ATXN1: variants seen among roughly 807,000 people sequenced by gnomAD.
ATXN1 encodes the protein ataxin-1.
In ATXN1, 8 loss-of-function variants were observed where a neutral mutation model predicts 56.4. The observed-to-expected ratio is 0.14, with a 90% confidence interval of 0.08 to 0.26. The LOEUF (loss-of-function observed/expected upper bound fraction) is 0.26. Among genes scored for constraint, ATXN1 ranks in the 10% least tolerant of loss-of-function variants. ATXN1 has a pLI of 1.00. For missense variants in ATXN1, 987 were observed against 1,106.5 expected (o/e 0.89, Z 1.53); for synonymous variants, 514 against 494.6 (o/e 1.04, Z -0.52).
At chr6:16,386,961 C>G (rs908117486) in intron 6 of ATXN1, among the ~76,000 whole-genome samples, 1 of 152,200 alleles carries the variant, frequency 6.6e-6, no homozygotes, top group Admixed American at 6.5e-5. Flanking sequence ...CGTGAACTAC[C>G]GTGCCCAGCC....
chr6:16,730,204 G>A (rs1170806131), intron 2 of ATXN1, among the ~76,000 whole-genome samples: 4 of 152,144 alleles, frequency 2.6e-5, no homozygotes, highest in Non-Finnish European at 4.4e-5. Flanking sequence ...ACCTGAACCC[G>A]GGAGATGGAC....
intron 4 of ATXN1, among the ~76,000 whole-genome samples, chr6:16,551,455 G>A (rs987336000): frequency 6.6e-6 from 1 of 152,122 alleles, no homozygotes; most frequent in Non-Finnish European, 1.5e-5. Flanking sequence ...GGGAAGAAAC[G>A]TGTGCTAATA....
chr6:16,357,759 C>T (rs141071761), intron 6 of ATXN1, among the ~76,000 whole-genome samples: 18 of 151,924 alleles, frequency 1.2e-4, no homozygotes, highest in African/African-American at 4.1e-4. Flanking sequence ...TGGCAAGGCT[C>T]GAGGAATGAT....
At chr6:16,412,772 T>C (rs904471532) in intron 6 of ATXN1, among the ~76,000 whole-genome samples, 7 of 152,248 alleles carry the variant, frequency 4.6e-5, no homozygotes, top group Non-Finnish European at 8.8e-5. Context: ...TGACTTTCTT[T>C]GTCCTTTTCT....
intron 3 of ATXN1, among the ~76,000 whole-genome samples, chr6:16,623,788 T>C (rs1409818276): frequency 1.3e-5 from 2 of 152,236 alleles, no homozygotes; most frequent in East Asian, 3.8e-4. Context: ...GGTTTTACTG[T>C]CTCTTCAAAA....
At chr6:16,557,989 G>C (rs2113735338) in intron 4 of ATXN1, among the ~76,000 whole-genome samples, 1 of 152,328 alleles carries the variant, frequency 6.6e-6, no homozygotes, top group African/African-American at 2.4e-5. Context: ...ATAAAACATA[G>C]ATTAAGTGGA....
chr6:16,710,738 C>T (rs1234484336), intron 2 of ATXN1, among the ~76,000 whole-genome samples: 1 of 151,802 alleles, frequency 6.6e-6, no homozygotes. Context: ...CAGGCACATG[C>T]CACCTCACCC....
At chr6:16,625,229 G>C (rs191683431) in intron 3 of ATXN1, among the ~76,000 whole-genome samples, 1 of 152,326 alleles carries the variant, frequency 6.6e-6, no homozygotes, top group East Asian at 1.9e-4. Context: ...CAGAAGTGAA[G>C]AAGAGAGTAC....
At chr6:16,432,718 T>A (rs2113584199) in intron 6 of ATXN1, 1 of 152,140 alleles carries the variant, frequency 6.6e-6, no homozygotes, top group South Asian at 2.1e-4. Context: ...TTCTTCTTTT[T>A]TTTTTTTGCA....
chr6:16,545,941 C>T (rs1336888351), intron 4 of ATXN1, among the ~76,000 whole-genome samples: 3 of 152,196 alleles, frequency 2.0e-5, no homozygotes, highest in African/African-American at 7.2e-5. Context: ...GAAAGCACAG[C>T]TATCGTATTA....
At chr6:16,457,930 T>A (rs760149363) in intron 6 of ATXN1, among the ~76,000 whole-genome samples, 13 of 152,188 alleles carry the variant, frequency 8.5e-5, no homozygotes, top group Non-Finnish European at 1.6e-4. Flanking sequence ...GGACCTTCTC[T>A]CTCTCTGAAT....
intron 3 of ATXN1, among the ~76,000 whole-genome samples, chr6:16,637,999 T>C (rs556069082): frequency 6.6e-6 from 1 of 152,282 alleles, no homozygotes; most frequent in African/African-American, 2.4e-5. Context: ...CATACTAGTA[T>C]GAAAGAGAAA....
chr6:16,301,322 A>T lies in ATXN1; in HGVS notation c.*5007T>A, dbSNP rs1760092078. The T allele has an allele frequency of 6.6e-6, 1 of 152,648 alleles. No individual in the cohort carries two copies. Among genetic ancestry groups the T allele is most frequent in the Admixed American group, 6.5e-5 (1 of 15,284 alleles). 9.5% of individuals were successfully genotyped at this position (152,648 alleles called of 1,614,324 possible). A position where few individuals can be genotyped will look rare whatever the true frequency, so the allele number is the denominator to read the frequency against. On this transcript the variant is annotated 3_prime_UTR_variant, in exon 8 of 8. Coordinates refer to ENST00000436367, the MANE Select transcript of ATXN1 (RefSeq NM_001128164.2). ...TGCTACAAGAAAAGATCCTATCATCAGTAAGGTAACGTATTTGAAGCGAGG... is the reference window on the plus strand; with the variant it reads ...TGCTACAAGAAAAGATCCTATCATCTGTAAGGTAACGTATTTGAAGCGAGG...
At chr6:16,386,677 G>A (rs888084746) in intron 6 of ATXN1, among the ~76,000 whole-genome samples, 2 of 152,090 alleles carry the variant, frequency 1.3e-5, no homozygotes, top group South Asian at 2.1e-4. Context: ...AGGACCTTGT[G>A]TAAAGAGTAT....
At chr6:16,635,862 A>G (rs1291055747) in intron 3 of ATXN1, among the ~76,000 whole-genome samples, 1 of 123,470 alleles carries the variant, frequency 8.1e-6, no homozygotes, top group Non-Finnish European at 2.0e-5. Context: ...AGCCAGCACA[A>G]ACACAAAGCG....
At chr6:16,340,013 C>G (rs1761209953) in intron 6 of ATXN1, among the ~76,000 whole-genome samples, 1 of 152,216 alleles carries the variant, frequency 6.6e-6, no homozygotes, top group African/African-American at 2.4e-5. Context: ...GATCTCTTGA[C>G]TTCGCGGTCT....
intron 5 of ATXN1, among the ~76,000 whole-genome samples, chr6:16,491,274 ATTAT>A (rs1760655329): frequency 8.7e-6 from 1 of 115,040 alleles, no homozygotes; most frequent in South Asian, 2.8e-4. Flanking sequence ...TATTATTATT[ATTAT>A]TTTTTTTTTT....
chr6:16,603,392 C>T (rs1049416915), intron 3 of ATXN1, among the ~76,000 whole-genome samples: 3 of 152,206 alleles, frequency 2.0e-5, no homozygotes, highest in Non-Finnish European at 4.4e-5. Flanking sequence ...CCTTCCCTTT[C>T]CAGGCTCCAT....
intron 6 of ATXN1, among the ~76,000 whole-genome samples, chr6:16,364,543 T>C (rs1443083759): frequency 4.6e-5 from 7 of 152,218 alleles, no homozygotes; most frequent in Non-Finnish European, 8.8e-5. Context: ...GACCTCGTGA[T>C]CTGCCCGCCT....
Sources: allele counts gnomAD v4.1 joint callset (sites outside exome capture counted in the v4.1 genomes callset), GRCh38; gene constraint gnomAD v4.1.1; transcripts MANE v1.5; gene names NCBI Gene and HGNC (gene_info 2026-07-23, HGNC 2026-07-21).